The following PLCB4 variants were observed in gnomAD, a reference collection of about 807,000 sequenced individuals.
PLCB4 encodes the protein phospholipase C beta 4.
A neutral mutation model predicts 178.8 loss-of-function variants in PLCB4; 77 were observed. The observed-to-expected ratio is 0.43, with a 90% CI of 0.36 to 0.52. The LOEUF (loss-of-function observed/expected upper bound fraction) is 0.52. PLCB4 is among the 20% of genes least tolerant of loss of function. The pLI is 0.00. For missense variants in PLCB4, 1,024 were observed against 1,453.4 expected, an observed-to-expected ratio of 0.70 and a Z score of 4.80; for synonymous variants, 496 against 490.8, an observed-to-expected ratio of 1.01 and a Z score of -0.14.
At chr20:9,188,520 CATATA>C (rs1459639095) in intron 2 of PLCB4, among the ~76,000 whole-genome samples, 3 of 138,484 alleles carry the variant, frequency 2.2e-5, no homozygotes, top group African/African-American at 8.7e-5. Context: ...GGAGGGCTGT[CATATA>C]GTGACATTCT....
chr20:9,177,248 C>T (rs552632964), intron 2 of PLCB4, among the ~76,000 whole-genome samples: 13 of 152,152 alleles, frequency 8.5e-5, no homozygotes, highest in Non-Finnish European at 1.6e-4. Context: ...AAAATAACCT[C>T]GTCTCTATAT....
At chr20:9,249,916 C>T (rs1003063965) in intron 3 of PLCB4, among the ~76,000 whole-genome samples, 5 of 151,898 alleles carry the variant, frequency 3.3e-5, no homozygotes, top group African/African-American at 1.2e-4. Context: ...ATTTTTTGAG[C>T]AAATGAATGA....
At chr20:9,283,485 A>G (rs1322095703) in intron 3 of PLCB4, among the ~76,000 whole-genome samples, 1 of 151,916 alleles carries the variant, frequency 6.6e-6, no homozygotes, top group Admixed American at 6.6e-5. Context: ...CAGAAGCAAG[A>G]TGCTGTCTTG....
At chr20:9,133,799 T>C (rs1004196167) in intron 2 of PLCB4, among the ~76,000 whole-genome samples, 5 of 152,188 alleles carry the variant, frequency 3.3e-5, no homozygotes, top group African/African-American at 9.7e-5. Context: ...GCTCTCCCTG[T>C]GCACATGATT....
chr20:9,477,822 AT>A (rs1159249559), intron 39 of PLCB4, among the ~76,000 whole-genome samples: 2 of 152,174 alleles, frequency 1.3e-5, no homozygotes, highest in Non-Finnish European at 2.9e-5. Context: ...GGTTAAATTA[AT>A]TTTGTCACAA....
chr20:9,182,563 TCCTC>T (rs2093264767), intron 2 of PLCB4, among the ~76,000 whole-genome samples: 1 of 152,202 alleles, frequency 6.6e-6, no homozygotes, highest in African/African-American at 2.4e-5. Context: ...TACAGACTTC[TCCTC>T]AACAAATAGC....
intron 7 of PLCB4, among the ~76,000 whole-genome samples, chr20:9,344,645 C>T (rs1381098782): frequency 6.6e-6 from 1 of 152,164 alleles, no homozygotes; most frequent in Non-Finnish European, 1.5e-5. Flanking sequence ...CCTTTGACAA[C>T]AAGACTGAGA....
At chr20:9,089,560 T>A (rs935188945) in intron 1 of PLCB4, among the ~76,000 whole-genome samples, 3 of 152,184 alleles carry the variant, frequency 2.0e-5, no homozygotes, top group African/African-American at 7.2e-5. Context: ...CTTTGATCTA[T>A]ATTTAATCAG....
intron 2 of PLCB4, among the ~76,000 whole-genome samples, chr20:9,128,511 A>G (rs2092189092): frequency 6.6e-6 from 1 of 152,008 alleles, no homozygotes; most frequent in South Asian, 2.1e-4. Flanking sequence ...CTGCCTCCCA[A>G]GTTGCTGGAA....
chr20:9,269,362 A>C (rs1237807377), intron 3 of PLCB4, among the ~76,000 whole-genome samples: 1 of 152,196 alleles, frequency 6.6e-6, no homozygotes, highest in Non-Finnish European at 1.5e-5. Flanking sequence ...AGGATGAACA[A>C]GCTCAATTCT....
chr20:9,146,762 T>C (rs566270434), intron 2 of PLCB4, among the ~76,000 whole-genome samples: 6 of 152,280 alleles, frequency 3.9e-5, no homozygotes, highest in African/African-American at 1.2e-4. Context: ...CTCAGCCTGA[T>C]GGCTTCTCAG....
chr20:9,347,458 A>G (rs1176612961), intron 7 of PLCB4, among the ~76,000 whole-genome samples: 1 of 152,176 alleles, frequency 6.6e-6, no homozygotes, highest in Non-Finnish European at 1.5e-5. Flanking sequence ...CTTGCACTAA[A>G]GTGAATGCTA....
At chr20:9,106,874 T>C (rs1274712671) in intron 2 of PLCB4, among the ~76,000 whole-genome samples, 1 of 152,202 alleles carries the variant, frequency 6.6e-6, no homozygotes, top group African/African-American at 2.4e-5. Context: ...TCTTTGGTGA[T>C]AGAGAAAAAG....
chr20:9,235,825 G>A (rs1046308748), intron 3 of PLCB4, among the ~76,000 whole-genome samples: 7 of 152,176 alleles, frequency 4.6e-5, no homozygotes, highest in Admixed American at 6.5e-5. Flanking sequence ...GCATCTTCAC[G>A]AGTGGTCTGG....
intron 7 of PLCB4, among the ~76,000 whole-genome samples, chr20:9,341,380 C>T (rs1319945521): frequency 6.6e-6 from 1 of 152,078 alleles, no homozygotes; most frequent in Non-Finnish European, 1.5e-5. Flanking sequence ...ATAATATTAA[C>T]AGTCAATTCA....
chr20:9,108,369 A>G (rs1357244965), intron 2 of PLCB4, among the ~76,000 whole-genome samples: 3 of 152,096 alleles, frequency 2.0e-5, no homozygotes, highest in African/African-American at 7.2e-5. Flanking sequence ...GAGATCAGGG[A>G]TAAAGTGAGC....
At chr20:9,246,231 G>T (rs2094124263) in intron 3 of PLCB4, among the ~76,000 whole-genome samples, 1 of 151,922 alleles carries the variant, frequency 6.6e-6, no homozygotes, top group Admixed American at 6.6e-5. Context: ...CCATTTTTCT[G>T]ATGAAGCCCT....
intron 3 of PLCB4, among the ~76,000 whole-genome samples, chr20:9,299,356 G>A (rs971216): frequency 1 from 152,191 of 152,192 alleles, 76,095 homozygotes; most frequent in Non-Finnish European, 1. Context: ...AAAATACAGG[G>A]AAGTATTAAA....
At chr20:9,453,044 A>G (rs1602900591) in intron 32 of PLCB4, among the ~76,000 whole-genome samples, 1 of 152,194 alleles carries the variant, frequency 6.6e-6, no homozygotes, top group East Asian at 1.9e-4. Flanking sequence ...GAAATACTAC[A>G]GAGATGTGTA....
Sources: gnomAD v4.1 joint callset for allele counts (sites outside exome capture counted in the v4.1 genomes callset) on GRCh38, gnomAD v4.1.1 for gene constraint, MANE v1.5 for transcripts, NCBI Gene and HGNC (gene_info 2026-07-23, HGNC 2026-07-21) for gene names.